The following RTKN2 variants were observed in gnomAD, a reference collection of about 807,000 sequenced individuals.
RTKN2 encodes the protein rhotekin-2.
Under a neutral mutation model 71.5 loss-of-function variants are expected in RTKN2, and 69 were observed. That is an observed-to-expected ratio of 0.96 (90% confidence interval 0.79 to 1.18). RTKN2 has a LOEUF of 1.18. RTKN2 is among the 50% of genes most tolerant of loss of function. The probability of loss-of-function intolerance (pLI) is 0.00; values close to 1 mark genes in which losing one functional copy is unlikely to be tolerated. For synonymous variants in RTKN2, 236 were observed against 236.5 expected, an observed-to-expected ratio of 1.00 and a Z score of 0.02; for missense variants, 724 against 719.7, an observed-to-expected ratio of 1.01 and a Z score of -0.07.
chr10:62,228,872 T>G (rs537286290), intron 6 of RTKN2, among the ~76,000 whole-genome samples: 12 of 152,306 alleles, frequency 7.9e-5, no homozygotes, highest in African/African-American at 2.6e-4. Flanking sequence ...CAATGACATA[T>G]GAAACAAAGT....
chr10:62,259,042 T>C (rs970614638), intron 2 of RTKN2, among the ~76,000 whole-genome samples: 3 of 152,264 alleles, frequency 2.0e-5, no homozygotes, highest in East Asian at 1.9e-4. Flanking sequence ...CCATGTGTCA[T>C]GGGAGGGACC....
intron 1 of RTKN2, among the ~76,000 whole-genome samples, chr10:62,264,304 A>T (rs140261440): frequency 2.0e-5 from 3 of 152,340 alleles, no homozygotes; most frequent in East Asian, 3.9e-4. Flanking sequence ...CAGCTGTTTA[A>T]TTACCTTCTG....
chr10:62,236,009 T>G (rs1250520769), intron 6 of RTKN2, 57 bp downstream of exon 6: 1 of 1,260,144 alleles, frequency 7.9e-7, no homozygotes, highest in African/African-American at 1.5e-5. Context: ...CATATAATAC[T>G]TTAAAATATC....
chr10:62,253,514 C>T (rs1349612727), intron 2 of RTKN2, among the ~76,000 whole-genome samples: 2 of 152,100 alleles, frequency 1.3e-5, no homozygotes, highest in African/African-American at 2.4e-5. Flanking sequence ...GCTAACTTTA[C>T]ACCCTTATAA....
At chr10:62,206,978 G>C (rs536922319) in intron 9 of RTKN2, among the ~76,000 whole-genome samples, 1 of 151,710 alleles carries the variant, frequency 6.6e-6, no homozygotes, top group Non-Finnish European at 1.5e-5. Flanking sequence ...ACTAATTGAA[G>C]GTTAAATCAT....
chr10:62,218,647 A>G (rs1051458342), intron 7 of RTKN2, among the ~76,000 whole-genome samples: 11 of 152,240 alleles, frequency 7.2e-5, no homozygotes, highest in African/African-American at 2.7e-4. Context: ...AAACATTCTA[A>G]TAAAGTAATT....
chr10:62,226,111 A>G (rs1842017740), intron 6 of RTKN2, among the ~76,000 whole-genome samples: 1 of 151,974 alleles, frequency 6.6e-6, no homozygotes, highest in Admixed American at 6.5e-5. Context: ...TAGCAATCCT[A>G]ATTTTTTTCA....
chr10:62,216,585 T>C (rs574560279), intron 9 of RTKN2, among the ~76,000 whole-genome samples: 2 of 152,206 alleles, frequency 1.3e-5, no homozygotes, highest in South Asian at 4.1e-4. Context: ...CCAGTATATA[T>C]ATACTTGACA....
At chr10:62,228,144 A>G (rs1209993987) in intron 6 of RTKN2, among the ~76,000 whole-genome samples, 1 of 152,220 alleles carries the variant, frequency 6.6e-6, no homozygotes, top group Non-Finnish European at 1.5e-5. Context: ...TAAATTTGGG[A>G]GTTATCAGTA....
intron 1 of RTKN2, among the ~76,000 whole-genome samples, chr10:62,265,277 G>A (rs1241086997): frequency 6.6e-6 from 1 of 152,082 alleles, no homozygotes; most frequent in Non-Finnish European, 1.5e-5. Context: ...TTACACTGGA[G>A]CACAGACACA....
chr10:62,208,409 T>C (rs951954717), intron 9 of RTKN2, among the ~76,000 whole-genome samples: 5 of 152,320 alleles, frequency 3.3e-5, no homozygotes, highest in South Asian at 4.1e-4. Flanking sequence ...GAACATCTTG[T>C]CCTATCAGAA....
At chr10:62,230,546 A>C (rs1375382863) in intron 6 of RTKN2, among the ~76,000 whole-genome samples, 2 of 152,212 alleles carry the variant, frequency 1.3e-5, no homozygotes, top group African/African-American at 2.4e-5. Flanking sequence ...CTAGGAATCA[A>C]CTGCATGCAA....
At chr10:62,257,825 AC>A (rs1178784534) in intron 2 of RTKN2, among the ~76,000 whole-genome samples, 1 of 152,192 alleles carries the variant, frequency 6.6e-6, no homozygotes, top group Non-Finnish European at 1.5e-5. Context: ...GACTGCTATA[AC>A]CAAGCCACGA....
intron 3 of RTKN2, among the ~76,000 whole-genome samples, chr10:62,245,271 C>T (rs1025272588): frequency 3.3e-5 from 5 of 151,790 alleles, no homozygotes; most frequent in African/African-American, 7.3e-5. Flanking sequence ...CTAGTTGGAA[C>T]GGTAACAGAG....
chr10:62,221,443 T>C (rs1841904452), intron 7 of RTKN2, among the ~76,000 whole-genome samples: 1 of 151,984 alleles, frequency 6.6e-6, no homozygotes, highest in South Asian at 2.1e-4. Flanking sequence ...TATTTGATAT[T>C]AAATACGAAA....
chr10:62,220,091 G>C (rs1321625512), intron 7 of RTKN2, among the ~76,000 whole-genome samples: 1 of 151,304 alleles, frequency 6.6e-6, no homozygotes, highest in African/African-American at 2.4e-5. Flanking sequence ...TCACCAAAAA[G>C]TTTTAATTAC....
chr10:62,216,433 A>G (rs1841770743), intron 9 of RTKN2, among the ~76,000 whole-genome samples: 1 of 152,066 alleles, frequency 6.6e-6, no homozygotes, highest in African/African-American at 2.4e-5. Context: ...TCCTCTAATC[A>G]ACACTAGACT....
At chr10:62,184,990 C>T (rs764187177) in intron 8 of RTKN2, among the ~76,000 whole-genome samples, 16 of 152,112 alleles carry the variant, frequency 1.1e-4, no homozygotes, top group Non-Finnish European at 2.1e-4. Context: ...AATTGGTAAG[C>T]GGTCACTCCA....
chr10:62,230,985 T>A (rs1434162219), intron 6 of RTKN2, among the ~76,000 whole-genome samples: 1 of 152,204 alleles, frequency 6.6e-6, no homozygotes, highest in African/African-American at 2.4e-5. Flanking sequence ...AATAGTTGAG[T>A]AACTTCTTAG....
Sources: gnomAD v4.1 joint callset for allele counts (sites outside exome capture counted in the v4.1 genomes callset) on GRCh38, gnomAD v4.1.1 for gene constraint, MANE v1.5 for transcripts, NCBI Gene and HGNC (gene_info 2026-07-23, HGNC 2026-07-21) for gene names.